Variants in PLCB1 observed in about 807,000 individuals in gnomAD.
PLCB1 encodes phospholipase C beta 1.
A neutral mutation model predicts 161.8 loss-of-function variants in PLCB1; 46 were observed. The ratio of observed to expected loss-of-function variants is 0.28; its 90% confidence interval spans 0.22 to 0.36. PLCB1 has a LOEUF of 0.36. Ranked by LOEUF, PLCB1 falls within the 10% of genes least tolerant of loss-of-function variation. PLCB1 has a pLI of 1.00. For missense variants in PLCB1, 1,016 were observed against 1,472.5 expected, an observed-to-expected ratio of 0.69 and a Z score of 5.07; for synonymous variants, 517 against 503.7, an observed-to-expected ratio of 1.03 and a Z score of -0.35.
intron 2 of PLCB1, among the ~76,000 whole-genome samples, chr20:8,339,887 T>C (rs1197288414): frequency 6.6e-6 from 1 of 152,164 alleles, no homozygotes; most frequent in African/African-American, 2.4e-5. Flanking sequence ...GAGGATCGCT[T>C]GAGGTCGGGA....
At chr20:8,136,442 C>T (rs1395271819) in intron 1 of PLCB1, among the ~76,000 whole-genome samples, 3 of 152,056 alleles carry the variant, frequency 2.0e-5, no homozygotes, top group Non-Finnish European at 2.9e-5. Context: ...CTGGCTAACA[C>T]GGTGAAACCC....
intron 31 of PLCB1, among the ~76,000 whole-genome samples, chr20:8,845,088 TG>T (rs1986643766): frequency 6.6e-6 from 1 of 152,028 alleles, no homozygotes; most frequent in African/African-American, 2.4e-5. Context: ...CACTCCAACC[TG>T]GGCAATAGAG....
At chr20:8,870,323 G>A (rs944203614) in intron 31 of PLCB1, among the ~76,000 whole-genome samples, 4 of 152,248 alleles carry the variant, frequency 2.6e-5, no homozygotes, top group South Asian at 2.1e-4. Flanking sequence ...TTTCTGAGAC[G>A]TCAAAGTCAT....
intron 2 of PLCB1, among the ~76,000 whole-genome samples, chr20:8,230,056 CAAAAAAAAAAAAAAAAAA>C (rs547874616): frequency 1.1e-3 from 62 of 58,880 alleles, no homozygotes; most frequent in African/African-American, 2.3e-3. Context: ...GACTTGGCAG[CAAAAAAAAAAAAAAAAAA>C]AAAAAAAAAA....
At chr20:8,294,756 C>T (rs1983553726) in intron 2 of PLCB1, among the ~76,000 whole-genome samples, 1 of 151,776 alleles carries the variant, frequency 6.6e-6, no homozygotes, top group South Asian at 2.1e-4. Context: ...AGACATTACA[C>T]TCCCTATAAT....
chr20:8,167,685 T>C (rs1447705843), intron 2 of PLCB1, among the ~76,000 whole-genome samples: 1 of 152,246 alleles, frequency 6.6e-6, no homozygotes, highest in Non-Finnish European at 1.5e-5. Context: ...TCTTTTTAAA[T>C]TATGAGTTGT....
At chr20:8,358,672 C>T (rs1475529091) in intron 2 of PLCB1, among the ~76,000 whole-genome samples, 1 of 152,194 alleles carries the variant, frequency 6.6e-6, no homozygotes, top group Non-Finnish European at 1.5e-5. Context: ...AAAAGTCCCT[C>T]TTAAATGTTT....
At chr20:8,407,498 C>T (rs756964782) in intron 3 of PLCB1, among the ~76,000 whole-genome samples, 5 of 152,164 alleles carry the variant, frequency 3.3e-5, no homozygotes, top group Admixed American at 6.5e-5. Flanking sequence ...GAACTTCTTA[C>T]ATGGTGGCGG....
intron 2 of PLCB1, among the ~76,000 whole-genome samples, chr20:8,176,048 G>A (rs2051779825): frequency 6.6e-6 from 1 of 152,116 alleles, no homozygotes; most frequent in Admixed American, 6.6e-5. Context: ...AGGGTGTGGA[G>A]GAACAGATCA....
At chr20:8,395,826 A>C (rs1355703506) in intron 3 of PLCB1, among the ~76,000 whole-genome samples, 1 of 152,016 alleles carries the variant, frequency 6.6e-6, no homozygotes, top group East Asian at 1.9e-4. Context: ...TTTTAAAAAA[A>C]AAACAAATTG....
chr20:8,873,583 TA>T lies in PLCB1; in HGVS notation c.3424-8036del, dbSNP rs544302184. Among the ~76,000 whole-genome samples, 108 of 152,204 alleles carry T rather than the reference TA, an allele frequency of 7.1e-4. 1 individual carries two copies. Among genetic ancestry groups the T allele is most frequent in the African/African-American group, 2.5e-3 (105 of 41,570 alleles). ...CCATAAAAGTGAGAAATAGAATAAA[TA>T]AAGATACTCATAATTCTAACACAGT... On this transcript the variant is annotated intron_variant, in intron 31 of 31. Coordinates refer to ENST00000338037, the MANE Select transcript of PLCB1 (RefSeq NM_015192.4).
chr20:8,344,780 T>G (rs1985938744), intron 2 of PLCB1, among the ~76,000 whole-genome samples: 1 of 152,210 alleles, frequency 6.6e-6, no homozygotes, highest in South Asian at 2.1e-4. Context: ...TGAACTCCTC[T>G]AGGTTTTGCT....
chr20:8,672,247 C>G (rs1453656110), intron 9 of PLCB1, among the ~76,000 whole-genome samples: 2 of 152,132 alleles, frequency 1.3e-5, no homozygotes, highest in Non-Finnish European at 2.9e-5. Flanking sequence ...TAAAAGTACC[C>G]ACTTACAGAG....
intron 3 of PLCB1, among the ~76,000 whole-genome samples, chr20:8,379,357 G>C (rs1414575911): frequency 6.6e-6 from 1 of 152,222 alleles, no homozygotes; most frequent in African/African-American, 2.4e-5. Context: ...ATCATTGATG[G>C]GTGTTTGGGT....
At chr20:8,665,986 C>G (rs1989801861) in intron 9 of PLCB1, among the ~76,000 whole-genome samples, 1 of 152,170 alleles carries the variant, frequency 6.6e-6, no homozygotes, top group Non-Finnish European at 1.5e-5. Context: ...TCCAACCCAG[C>G]CACCTACACA....
At chr20:8,872,130 A>AG (rs888504303) in intron 31 of PLCB1, among the ~76,000 whole-genome samples, 1 of 152,180 alleles carries the variant, frequency 6.6e-6, no homozygotes, top group Non-Finnish European at 1.5e-5. Context: ...CCTGTGTAAC[A>AG]GGTTCTATTG....
intron 2 of PLCB1, among the ~76,000 whole-genome samples, chr20:8,287,774 C>T (rs564199373): frequency 1.2e-4 from 18 of 152,212 alleles, no homozygotes; most frequent in Middle Eastern, 3.4e-3. Context: ...GCTGCATTAA[C>T]GCCTCCTAAA....
At chr20:8,714,825 T>C (rs1346822020) in intron 12 of PLCB1, among the ~76,000 whole-genome samples, 1 of 152,110 alleles carries the variant, frequency 6.6e-6, no homozygotes, top group Non-Finnish European at 1.5e-5. Flanking sequence ...AGAACTCACT[T>C]TCCACCCAAA....
chr20:8,265,969 A>G (rs1021680731), intron 2 of PLCB1, among the ~76,000 whole-genome samples: 1 of 152,234 alleles, frequency 6.6e-6, no homozygotes, highest in African/African-American at 2.4e-5. Flanking sequence ...ATACTTATTT[A>G]GAATCTAAGT....
Sources: gnomAD v4.1 joint callset for allele counts (sites outside exome capture counted in the v4.1 genomes callset) on GRCh38, gnomAD v4.1.1 for gene constraint, MANE v1.5 for transcripts, NCBI Gene and HGNC (gene_info 2026-07-23, HGNC 2026-07-21) for gene names.